Variants in PDE12 observed in about 807,000 individuals in gnomAD.
PDE12 encodes phosphodiesterase 12, also known as 2',5'-phosphodiesterase 12.
Under a neutral mutation model 45.4 loss-of-function variants are expected in PDE12, and 26 were observed. The ratio of observed to expected loss-of-function variants is 0.57; its 90% CI spans 0.42 to 0.79. The LOEUF (loss-of-function observed/expected upper bound fraction) is 0.79. Among genes scored for constraint, PDE12 ranks in the 30% least tolerant of loss-of-function variants. The probability of loss-of-function intolerance (pLI) is 0.00; values close to 1 mark genes in which losing one functional copy is unlikely to be tolerated. For missense variants in PDE12, 668 were observed against 790.0 expected (o/e 0.85, Z 1.85); for synonymous variants, 283 against 323.9 (o/e 0.87, Z 1.36).
the PDE12 span, among the ~76,000 whole-genome samples, chr3:57,581,996 G>C: frequency 6.6e-6 from 1 of 152,042 alleles, no homozygotes; most frequent in African/African-American, 2.4e-5. Flanking sequence ...ACATAACAAA[G>C]AAAAAACTCC....
At chr3:57,589,679 C>T in the PDE12 span, among the ~76,000 whole-genome samples, 8 of 150,536 alleles carry the variant, frequency 5.3e-5, no homozygotes, top group African/African-American at 1.7e-4. Context: ...TACCGCGCCA[C>T]GGCACTCCAG....
At chr3:57,640,449 C>T in the PDE12 span, among the ~76,000 whole-genome samples, 4 of 151,604 alleles carry the variant, frequency 2.6e-5, no homozygotes, top group Admixed American at 2.0e-4. Context: ...AAAAATTAGC[C>T]GGGCAAGGAG....
chr3:57,606,392 AT>A, the PDE12 span, among the ~76,000 whole-genome samples: 1 of 152,196 alleles, frequency 6.6e-6, no homozygotes, highest in African/African-American at 2.4e-5. Flanking sequence ...AAAATATCTT[AT>A]AAAAAGAAGG....
chr3:57,634,516 T>G, the PDE12 span: 9 of 1,154,718 alleles, frequency 7.8e-6, no homozygotes, highest in African/African-American at 1.4e-4. Flanking sequence ...ATTACATACC[T>G]GAACAAGGAA....
At chr3:57,569,998 A>G (rs1361591551), downstream of PDE12, among the ~76,000 whole-genome samples, 3 of 152,010 alleles carry the variant, frequency 2.0e-5, no homozygotes, top group East Asian at 1.9e-4. Flanking sequence ...CTGATGTTTT[A>G]TATTTCCTAG....
the PDE12 span, among the ~76,000 whole-genome samples, chr3:57,639,001 G>A: frequency 6.6e-6 from 1 of 152,184 alleles, no homozygotes; most frequent in Non-Finnish European, 1.5e-5. Flanking sequence ...GGGAGGCTGA[G>A]GCAGAAGGAT....
chr3:57,614,890 G>T, the PDE12 span, among the ~76,000 whole-genome samples: 3 of 151,658 alleles, frequency 2.0e-5, no homozygotes, highest in African/African-American at 7.3e-5. Context: ...CTACTTGGGA[G>T]GCTGAGGCAG....
chr3:57,653,940 A>ATT, the PDE12 span, among the ~76,000 whole-genome samples: 3 of 105,848 alleles, frequency 2.8e-5, no homozygotes, highest in East Asian at 2.5e-4. Flanking sequence ...TTAGAAATTC[A>ATT]CTTTTTTTTT....
At position 57,564,676 on chromosome 3, in the gene PDE12, CTTTT is replaced by C. The variant is rs1239332016; in HGVS notation, c.*4675_*4678del. 1.3e-5 allele frequency: 2 copies of C among 149,346 alleles called. No homozygotes were observed. The highest frequency in any genetic ancestry group is 4.9e-5 in the African/African-American group (2 of 40,592). 9.3% of individuals were successfully genotyped at this position (149,346 alleles called of 1,614,324 possible). ...TGGATAATATAAACACTTTTTTTTT[CTTTT>C]TTGAGACAGGGTCTGGCTTTGTCAC... On this transcript the variant is annotated 3_prime_UTR_variant, in exon 3 of 3. Transcript: ENST00000311180.
chr3:57,569,462 C>T (rs1463737791), downstream of PDE12, among the ~76,000 whole-genome samples: 3 of 152,076 alleles, frequency 2.0e-5, no homozygotes, highest in Non-Finnish European at 4.4e-5. Context: ...AAGCAATTCT[C>T]CCACTTCAGC....
At position 57,557,348 on chromosome 3, in the gene PDE12, CT is replaced by C. The variant is rs1350295211; in HGVS notation, c.970del (p.Tyr324ThrfsTer42). On this transcript the variant is annotated frameshift_variant, in exon 1 of 3. Coordinates refer to ENST00000311180, the MANE Select transcript of PDE12 (RefSeq NM_177966.7). LOFTEE classifies it high-confidence loss of function. ...CGGTTCTGTACCCATACTGTGCCCC[CT>C]ACGCCCTGGAGCTCGACTACCGCCA... Reference protein sequence around the residue: ...RTVLYPYCAPYALELDYRQNL... With the variant: ...RTVLYPYCAPXALELDYRQNL... 2 of 1,613,996 alleles carry C rather than the reference CT, an allele frequency of 1.2e-6. No individual in the cohort carries two copies. Among genetic ancestry groups the C allele is most frequent in the Non-Finnish European group, 1.7e-6 (2 of 1,180,008 alleles).
At chr3:57,608,228 C>T in the PDE12 span, among the ~76,000 whole-genome samples, 18 of 152,114 alleles carry the variant, frequency 1.2e-4, no homozygotes, top group African/African-American at 4.1e-4. Context: ...ACAAGAGCTC[C>T]TGAAGGAAGC....
At position 57,563,264 on chromosome 3, in the gene PDE12, G is replaced by A. The variant is rs986917151; in HGVS notation, c.*3260G>A. The A allele has an allele frequency of 6.6e-6, 1 of 152,046 alleles. No individual in the cohort carries two copies. The highest frequency in any genetic ancestry group is 2.1e-4 in the South Asian group (1 of 4,828). 9.4% of individuals were successfully genotyped at this position (152,046 alleles called of 1,614,324 possible). ...ATAACTTACTACAGCCTCAAACTGC[G>A]GGGCTCAAATGATCCTCCTGCCTCA... On this transcript the variant is annotated 3_prime_UTR_variant, in exon 3 of 3. Coordinates refer to ENST00000311180, the MANE Select transcript of PDE12 (RefSeq NM_177966.7).
chr3:57,561,580 T>C lies in PDE12; in HGVS notation c.*1576T>C. Reference sequence around the variant, plus strand: ...CATTATTTATAATGCATTAGCTGTATTAGCTGTTGCTTTTTTGATGTTCAG... The same window carrying C: ...CATTATTTATAATGCATTAGCTGTACTAGCTGTTGCTTTTTTGATGTTCAG... On this transcript the variant is annotated 3_prime_UTR_variant, in exon 3 of 3. Transcript: ENST00000311180. 1.0e-6 allele frequency: 1 copy of C among 984,932 alleles called. No homozygotes were observed. Among genetic ancestry groups the C allele is most frequent in the Non-Finnish European group, 1.2e-6 (1 of 829,474 alleles). The allele number at this position is 984,932 out of a possible 1,614,324, so 61.0% of individuals were successfully genotyped here. A position where few individuals can be genotyped will look rare whatever the true frequency, so the allele number is the denominator to read the frequency against.
At chr3:57,643,826 CA>C in the PDE12 span, among the ~76,000 whole-genome samples, 187 of 94,216 alleles carry the variant, frequency 2.0e-3, no homozygotes, top group Middle Eastern at 7.5e-3. Context: ...GACTCTGTCT[CA>C]AAAAAAAAAA....
In PDE12 at chr3:57,556,505, C is replaced by T. The variant is rs2153407135; in HGVS notation, c.126C>T (p.Cys42=). Residue 42 remains cysteine (C), a synonymous_variant, in exon 1 of 3, where the codon TGC becomes TGT. Coordinates refer to ENST00000311180, the MANE Select transcript of PDE12 (RefSeq NM_177966.7). This position sits in a 1 kb window ranked among gnomAD's most constrained non-coding sequence, Gnocchi z 5.0. The part of the protein sequence containing the change: ...AGAMERAVVR[C]VPSEPKLSLS... The stretch of plus-strand genomic sequence containing the variant: ...CGATGGAGCGCGCTGTAGTGCGCTG[C>T]GTACCTTCGGAACCCAAGCTGAGCC... 6.2e-7 allele frequency: 1 copy of T among 1,613,382 alleles called. No individual in the cohort carries two copies. Among genetic ancestry groups the T allele is most frequent in the Non-Finnish European group, 8.5e-7 (1 of 1,179,948 alleles).
chr3:57,644,688 AGGGAGGGGAGGGGAG>A, the PDE12 span, among the ~76,000 whole-genome samples: 1 of 84,784 alleles, frequency 1.2e-5, no homozygotes, highest in Non-Finnish European at 2.3e-5. Flanking sequence ...GCAACAGGGA[AGGGAGGGGAGGGGAG>A]GGGAGGGGAG....
the PDE12 span, chr3:57,584,522 T>A: frequency 7.1e-7 from 1 of 1,405,424 alleles, no homozygotes; most frequent in Non-Finnish European, 1.0e-6. Flanking sequence ...CAAGAAATAA[T>A]TTTACAATAA....
At chr3:57,639,671 C>G in the PDE12 span, among the ~76,000 whole-genome samples, 1 of 152,154 alleles carries the variant, frequency 6.6e-6, no homozygotes, top group African/African-American at 2.4e-5. Context: ...TACCATGCAT[C>G]AGGCACTGTG....
Sources: allele counts gnomAD v4.1 joint callset (sites outside exome capture counted in the v4.1 genomes callset), GRCh38; gene constraint gnomAD v4.1.1; non-coding constraint Gnocchi (gnomAD v3.1); transcripts MANE v1.5; gene names NCBI Gene and HGNC (gene_info 2026-07-23, HGNC 2026-07-21).